Variants in OSBPL5 observed in about 807,000 individuals in gnomAD.
OSBPL5 encodes oxysterol-binding protein-related protein 5.
In OSBPL5, 71 loss-of-function variants were observed where a neutral mutation model predicts 111.2. The ratio of observed to expected loss-of-function variants is 0.64; its 90% CI spans 0.53 to 0.78. OSBPL5 has a LOEUF of 0.78. OSBPL5 is among the 30% of genes least tolerant of loss of function. OSBPL5 has a pLI of 0.00. For missense variants in OSBPL5, 1,210 were observed against 1,189.3 expected (o/e 1.02, Z -0.26); for synonymous variants, 549 against 513.9 (o/e 1.07, Z -0.93).
rs375103093 is a variant in OSBPL5, at chr11:3,106,386, C to T, written c.1059+877G>A. On this transcript the variant is annotated intron_variant, in intron 9 of 21. Coordinates refer to ENST00000263650, the MANE Select transcript of OSBPL5 (RefSeq NM_020896.4). The surrounding 1 kb of genome is among the most constrained non-coding windows in gnomAD (Gnocchi z 8.4). ...CAAGATCCCAGATCACAGAGCCCCC[C>T]GTTCCTGACAGCCCCCACCCCAGAG... is the stretch of plus-strand genomic sequence containing the variant. Among the ~76,000 whole-genome samples, 43 of 152,236 alleles carry T rather than the reference C, an allele frequency of 2.8e-4. No individual in the cohort carries two copies. The East Asian group carries it at 3.5e-3, about 12-fold the overall frequency.
chr11:3,103,358 G>A (rs973495180), intron 10 of OSBPL5, 38 bp from the exon 11 acceptor site: 4 of 1,545,750 alleles, frequency 2.6e-6, no homozygotes, highest in Admixed American at 3.7e-5. Flanking sequence ...CCAGCTCCGG[G>A]GGCCGTGGGC....
Position 3,122,398 on chromosome 11 carries a change from T to C in OSBPL5, c.250A>G (p.Lys84Glu). ...CTGGCGGTGGGGGACACACATTCCT[T>C]GTCTGACCCGTTGCACAGCCTGTAC... is the stretch of plus-strand genomic sequence containing the variant. Reference protein sequence around the residue: ...AEYRLCNGSDKECVSPTARVT... With the variant: ...AEYRLCNGSDEECVSPTARVT... Residue 84 changes from lysine (K) to glutamate (E), a missense_variant, in exon 4 of 22, where the codon AAG becomes GAG. Physicochemically the swap from Lys to Glu is moderately conservative, Grantham distance 56. Transcript: ENST00000263650. 1 of 1,613,752 alleles carries C rather than the reference T, an allele frequency of 6.2e-7. No homozygotes were observed. Among genetic ancestry groups the C allele is most frequent in the Non-Finnish European group, 8.5e-7 (1 of 1,179,916 alleles).
chr11:3,122,575 C>T, intron 3 of OSBPL5, 147 bp from the exon 4 acceptor site: 1 of 673,346 alleles, frequency 1.5e-6, no homozygotes, highest in Non-Finnish European at 2.5e-6. Context: ...CCATCCCCCC[C>T]ACCAGCACTT....
intron 1 of OSBPL5, among the ~76,000 whole-genome samples, chr11:3,132,145 C>T (rs1349550005): frequency 6.6e-6 from 1 of 151,988 alleles, no homozygotes; most frequent in African/African-American, 2.4e-5. Flanking sequence ...TCACCTCACA[C>T]TCAGACACAT....
rs140499687 is a variant in OSBPL5 at position 3,143,788 on chromosome 11, A to G, written c.-21-14619T>C. Among the ~76,000 whole-genome samples the G allele has an allele frequency of 5.2e-3, 798 of 152,238 alleles. 23 individuals carry two copies. The highest frequency in any genetic ancestry group is 0.047 in the Admixed American group (718 of 15,294). ...CTGGAGGCTGACCAGATGATCCTGGAGCCCTGGGCCCTTGGTTTGCTTTAC... is the reference window on the plus strand; with the variant it reads ...CTGGAGGCTGACCAGATGATCCTGGGGCCCTGGGCCCTTGGTTTGCTTTAC... On this transcript the variant is annotated intron_variant, in intron 1 of 21. Coordinates refer to ENST00000263650, the MANE Select transcript of OSBPL5 (RefSeq NM_020896.4).
rs555675181 is a variant in OSBPL5, at chr11:3,121,212, C to T, written c.403-588G>A. 1.2e-3 allele frequency among the ~76,000 whole-genome samples: 187 copies of T among 152,148 alleles called. 1 individual carries two copies. Among genetic ancestry groups the T allele is most frequent in the African/African-American group, 3.8e-3 (156 of 41,510 alleles). On this transcript the variant is annotated intron_variant, in intron 5 of 21. Coordinates refer to ENST00000263650, the MANE Select transcript of OSBPL5 (RefSeq NM_020896.4). The surrounding 1 kb of genome is among the most constrained non-coding windows in gnomAD (Gnocchi z 4.3). ...AGCTGGGATTACAGGCGCCCGCCAC[C>T]ATGCCTGGCTAATTTCTGTATTTTT...
intron 1 of OSBPL5, among the ~76,000 whole-genome samples, chr11:3,145,920 G>T (rs1846325902): frequency 6.6e-6 from 1 of 152,158 alleles, no homozygotes. Context: ...GTGGGCTGAG[G>T]GTTACAGGGA....
rs756022679 is a variant in OSBPL5 at position 3,103,280 on chromosome 11, C to T, written c.1285G>A (p.Val429Met). 11 of 1,608,654 alleles carry T rather than the reference C, an allele frequency of 6.8e-6. No homozygotes were observed. In the African/African-American group the frequency reaches 1.5e-4, roughly 22 times the overall value. Residue 429 changes from valine (V) to methionine (M), a missense_variant, in exon 11 of 22, where the codon GTG becomes ATG. By Grantham distance (21) the Val-to-Met change is conservative. Coordinates refer to ENST00000263650, the MANE Select transcript of OSBPL5 (RefSeq NM_020896.4). ...EEDAYSRMKL[V>M]LRWYLSGFYK... ...AAGCCAGACAGGTACCACCGCAGCA[C>T]CAGCTTCATGCGGCTGTAGGCATCC...
chr11:3,113,559 G>A lies in OSBPL5; in HGVS notation c.692-5614C>T, dbSNP rs946337658. 2.0e-5 allele frequency among the ~76,000 whole-genome samples: 3 copies of A among 152,002 alleles called. No homozygotes were observed. Among genetic ancestry groups the A allele is most frequent in the Non-Finnish European group, 4.4e-5 (3 of 68,018 alleles). On this transcript the variant is annotated intron_variant, in intron 7 of 21. Coordinates refer to ENST00000263650, the MANE Select transcript of OSBPL5 (RefSeq NM_020896.4). The surrounding 1 kb of genome is among the most constrained non-coding windows in gnomAD (Gnocchi z 4.8). ...AATCCCAGCTACTCGTGAGGCTGAGGCAGGAGAATTGCTTGACCTGGGAGG... is the reference window on the plus strand; with the variant it reads ...AATCCCAGCTACTCGTGAGGCTGAGACAGGAGAATTGCTTGACCTGGGAGG...
At chr11:3,156,982 G>T (rs1846781939) in intron 1 of OSBPL5, among the ~76,000 whole-genome samples, 1 of 152,222 alleles carries the variant, frequency 6.6e-6, no homozygotes, top group Non-Finnish European at 1.5e-5. Context: ...TCCAAGCACT[G>T]CACCCCGTCC....
chr11:3,115,637 G>A (rs1374627449), intron 7 of OSBPL5, among the ~76,000 whole-genome samples: 1 of 152,130 alleles, frequency 6.6e-6, no homozygotes, highest in Non-Finnish European at 1.5e-5. Context: ...AATGTCAAAG[G>A]CACACTGATG....
rs57734299 is a variant in OSBPL5 at position 3,098,441 on chromosome 11, A to T, written c.1621+1717T>A. Among the ~76,000 whole-genome samples, 922 of 150,478 alleles carry T rather than the reference A, an allele frequency of 6.1e-3. 12 individuals are homozygous for T. The highest frequency in any genetic ancestry group is 0.021 in the African/African-American group (855 of 41,024). ...TTCAAACAAACAAAAACCTTCAATC[A>T]GCAAAAATTAAAAAGAAATCCAGAG... On this transcript the variant is annotated intron_variant, in intron 14 of 21. Coordinates refer to ENST00000263650, the MANE Select transcript of OSBPL5 (RefSeq NM_020896.4).
intron 7 of OSBPL5, among the ~76,000 whole-genome samples, chr11:3,111,972 TATGTGTGCGC>T (rs1857961686): frequency 8.4e-6 from 1 of 119,480 alleles, no homozygotes; most frequent in Non-Finnish European, 2.0e-5. Flanking sequence ...TGTGTGTGCA[TATGTGTGCGC>T]GCATGTGTGT....
chr11:3,129,970 C>T (rs1337004731), intron 1 of OSBPL5, among the ~76,000 whole-genome samples: 1 of 152,222 alleles, frequency 6.6e-6, no homozygotes, highest in Admixed American at 6.5e-5. Context: ...GGTTCAGAAG[C>T]GAGTTTCTTG....
chr11:3,092,007 A>AGGTTACTC lies in OSBPL5; in HGVS notation c.2259+417_2259+424dup. 6.6e-6 allele frequency among the ~76,000 whole-genome samples: 1 copy of AGGTTACTC among 152,274 alleles called. No homozygotes were observed. Among genetic ancestry groups the AGGTTACTC allele is most frequent in the East Asian group, 1.9e-4 (1 of 5,186 alleles). ...AAGACACACCCAAGGCAGCTTCCTC[A>AGGTTACTC]GGTTACTCCCTGGAGCCTCCTGCTG... On this transcript the variant is annotated intron_variant, in intron 19 of 21. Coordinates refer to ENST00000263650, the MANE Select transcript of OSBPL5 (RefSeq NM_020896.4). This position sits in a 1 kb window ranked among gnomAD's most constrained non-coding sequence, Gnocchi z 5.4.
At position 3,154,273 on chromosome 11, in the gene OSBPL5, C is replaced by T. The variant is rs1351044875; in HGVS notation, c.-22+10943G>A. Among the ~76,000 whole-genome samples the T allele has an allele frequency of 2.0e-5, 3 of 152,230 alleles. No individual in the cohort carries two copies. Among genetic ancestry groups the T allele is most frequent in the Non-Finnish European group, 2.9e-5 (2 of 68,046 alleles). On this transcript the variant is annotated intron_variant, in intron 1 of 21. Coordinates refer to ENST00000263650, the MANE Select transcript of OSBPL5 (RefSeq NM_020896.4). This position sits in a 1 kb window ranked among gnomAD's most constrained non-coding sequence, Gnocchi z 4.9. ...GCACGGCCCTGCGTGCAGCACCTGC[C>T]AGTAGGTAGCAGGATGTGTCGTAGA...
At chr11:3,094,564 G>C (rs1857191423) in intron 14 of OSBPL5, 1 of 515,130 alleles carries the variant, frequency 1.9e-6, no homozygotes, top group African/African-American at 2.0e-5. Context: ...CGGAGCCTGG[G>C]AGGCACGGAG....
At chr11:3,096,788 G>A (rs1857269419) in intron 14 of OSBPL5, among the ~76,000 whole-genome samples, 1 of 151,986 alleles carries the variant, frequency 6.6e-6, no homozygotes, top group Non-Finnish European at 1.5e-5. Context: ...GGTATATGGG[G>A]TGTACTGTAC....
intron 4 of OSBPL5, 57 bp downstream of exon 4, chr11:3,122,291 C>T: frequency 2.6e-6 from 4 of 1,563,756 alleles, no homozygotes; most frequent in South Asian, 1.2e-5. Flanking sequence ...CTCCCTGGCT[C>T]AGGTGGCCGT....
Sources: gnomAD v4.1 joint callset for allele counts (sites outside exome capture counted in the v4.1 genomes callset) on GRCh38, gnomAD v4.1.1 for gene constraint, Gnocchi (gnomAD v3.1) non-coding constraint, MANE v1.5 for transcripts, NCBI Gene and HGNC (gene_info 2026-07-23, HGNC 2026-07-21) for gene names.